The following CREB5 variants were observed in gnomAD, a reference collection of about 807,000 sequenced individuals.
CREB5 encodes cyclic AMP-responsive element-binding protein 5.
Under a neutral mutation model 57.1 loss-of-function variants are expected in CREB5, and 19 were observed. The ratio of observed to expected loss-of-function variants is 0.33; its 90% confidence interval spans 0.23 to 0.49. CREB5 has a LOEUF of 0.49. Ranked by LOEUF, CREB5 falls within the 20% of genes least tolerant of loss-of-function variation. The pLI is 0.99. For synonymous variants in CREB5, 238 were observed against 238.3 expected (o/e 1.00, Z 0.01); for missense variants, 579 against 671.6 (o/e 0.86, Z 1.52).
At chr7:28,783,356 AT>A (rs918241371) in intron 7 of CREB5, among the ~76,000 whole-genome samples, 5 of 151,908 alleles carry the variant, frequency 3.3e-5, no homozygotes, top group South Asian at 2.1e-4. Flanking sequence ...CTCACCATCC[AT>A]TTTTTTTGTC....
At chr7:28,302,004 AT>A (rs1785104948) in intron 1 of CREB5, among the ~76,000 whole-genome samples, 1 of 152,230 alleles carries the variant, frequency 6.6e-6, no homozygotes. Context: ...ACTTCAGAAA[AT>A]AATAAGCAAT....
intron 1 of CREB5, among the ~76,000 whole-genome samples, chr7:28,414,646 A>AAAATG (rs1787957519): frequency 6.6e-6 from 1 of 152,230 alleles, no homozygotes; most frequent in African/African-American, 2.4e-5. Context: ...TGGCACTTTA[A>AAAATG]AAATGACATC....
At chr7:28,687,841 G>A (rs1801028417) in intron 5 of CREB5, among the ~76,000 whole-genome samples, 1 of 152,110 alleles carries the variant, frequency 6.6e-6, no homozygotes, top group South Asian at 2.1e-4. Flanking sequence ...GAGGAGGCCT[G>A]AGTGTTGATT....
At chr7:28,484,046 T>C (rs1336417165) in intron 1 of CREB5, among the ~76,000 whole-genome samples, 1 of 152,208 alleles carries the variant, frequency 6.6e-6, no homozygotes, top group Non-Finnish European at 1.5e-5. Context: ...ATTGAATGCC[T>C]ACTATGTAAG....
chr7:28,595,061 T>A (rs953107498), intron 5 of CREB5, among the ~76,000 whole-genome samples: 2 of 152,200 alleles, frequency 1.3e-5, no homozygotes, highest in Non-Finnish European at 2.9e-5. Flanking sequence ...GCCCCCACAG[T>A]GCAATGTCTG....
In CREB5 at chr7:28,522,511, T is replaced by G. The variant is rs1425010927; in HGVS notation, c.291+14774T>G. On this transcript the variant is annotated intron_variant, in intron 4 of 10. Transcript: ENST00000357727. ...CCCAGGTTCAAGCAATCCTCTTGCC[T>G]CAGCCTCCCAAGTAGCTGGGATTAT... Among the ~76,000 whole-genome samples the G allele has an allele frequency of 3.4e-5, 5 of 148,550 alleles. No individual in the cohort carries two copies. In the East Asian group the frequency reaches 1.0e-3, roughly 31 times the overall value.
At position 28,620,649 on chromosome 7, in the gene CREB5, G is replaced by A. The variant is rs575033792; in HGVS notation, c.464+50112G>A. ...CTATTCCCTCCTCTTTTCCATAACT[G>A]GCCTCAGGCTCGCCCCATTTTAACC... On this transcript the variant is annotated intron_variant, in intron 5 of 10. Coordinates refer to ENST00000357727, the MANE Select transcript of CREB5 (RefSeq NM_182898.4). Among the ~76,000 whole-genome samples, 3 of 152,266 alleles carry A rather than the reference G, an allele frequency of 2.0e-5. No individual in the cohort carries two copies. The South Asian group carries it at 6.2e-4, about 32-fold the overall frequency.
rs1459443795 is a variant in CREB5 at position 28,551,995 on chromosome 7, T to C, written c.292-18370T>C. Among the ~76,000 whole-genome samples the C allele has an allele frequency of 2.9e-4, 8 of 27,130 alleles. 1 individual carries two copies. The highest frequency in any genetic ancestry group is 1.7e-3 in the African/African-American group (4 of 2,396). 17.8% of individuals were successfully genotyped at this position (27,130 alleles called of 152,430 possible). ...TCTCTTTCTCTCTCTCTTTCTCTCT[T>C]TTCTCTCTCTCTCTCTTTTCTCTCT... On this transcript the variant is annotated intron_variant, in intron 4 of 10. Transcript: ENST00000357727.
rs547477726 is a variant in CREB5 at position 28,398,799 on chromosome 7, C to T, written c.-24-96107C>T. On this transcript the variant is annotated intron_variant, in intron 1 of 9. Coordinates refer to the CREB5 transcript ENST00000396299. ...GGATCATGGCTCACTACAGCCTTGG[C>T]CTCTGAGGCTCAAGCGATCCTCCCA... 5.9e-5 allele frequency among the ~76,000 whole-genome samples: 9 copies of T among 152,138 alleles called. No homozygotes were observed. In the East Asian group the frequency reaches 1.5e-3, roughly 26 times the overall value.
chr7:28,622,265 A>T (rs760024057), intron 5 of CREB5, among the ~76,000 whole-genome samples: 3,644 of 127,264 alleles, frequency 0.029, 180 homozygotes, highest in East Asian at 0.25. Flanking sequence ...TCTCTCACAC[A>T]CACACACACA....
chr7:28,811,642 A>C (rs1809125790), intron 9 of CREB5, among the ~76,000 whole-genome samples: 1 of 152,148 alleles, frequency 6.6e-6, no homozygotes, highest in African/African-American at 2.4e-5. Flanking sequence ...AAGTGTTGGG[A>C]TTATAGGTGT....
chr7:28,470,230 T>C (rs1292243145), intron 1 of CREB5, among the ~76,000 whole-genome samples: 1 of 152,200 alleles, frequency 6.6e-6, no homozygotes, highest in Non-Finnish European at 1.5e-5. Context: ...CTCCACTACC[T>C]TTCCCAGCCT....
chr7:28,571,730 A>G (rs1428843724), intron 5 of CREB5, among the ~76,000 whole-genome samples: 2 of 152,166 alleles, frequency 1.3e-5, no homozygotes, highest in African/African-American at 4.8e-5. Flanking sequence ...TATCCCCAGA[A>G]TGAGGATGGT....
chr7:28,373,534 G>C (rs1786757964), intron 1 of CREB5, among the ~76,000 whole-genome samples: 1 of 150,832 alleles, frequency 6.6e-6, no homozygotes, highest in Non-Finnish European at 1.5e-5. Flanking sequence ...TCTGCCTCTG[G>C]GTCTTAAGCC....
chr7:28,615,449 C>T lies in CREB5; in HGVS notation c.464+44912C>T, dbSNP rs146434221. On this transcript the variant is annotated intron_variant, in intron 5 of 10. Transcript: ENST00000357727. ...TTTCAAGGGACCACTTAGGGCTCAC[C>T]TATCTTGTTCCCCACAGTGTCCTCG... is the stretch of plus-strand genomic sequence containing the variant. The T allele has an allele frequency of 8.5e-5, 13 of 152,456 alleles. No individual in the cohort carries two copies. The East Asian group carries it at 2.3e-3, about 27-fold the overall frequency. 9.4% of individuals were successfully genotyped at this position (152,456 alleles called of 1,614,324 possible). A position where few individuals can be genotyped will look rare whatever the true frequency, so the allele number is the denominator to read the frequency against.
chr7:28,646,351 GA>G (rs890652553), intron 5 of CREB5, among the ~76,000 whole-genome samples: 90 of 151,454 alleles, frequency 5.9e-4, no homozygotes, highest in Middle Eastern at 3.4e-3. Flanking sequence ...TGGTTAGGGG[GA>G]AAAAAAACAA....
At chr7:28,341,509 G>A (rs949746028) in intron 1 of CREB5, among the ~76,000 whole-genome samples, 1 of 152,150 alleles carries the variant, frequency 6.6e-6, no homozygotes, top group Non-Finnish European at 1.5e-5. Context: ...CTTCCTGGTT[G>A]ATACTAAATT....
intron 1 of CREB5, among the ~76,000 whole-genome samples, chr7:28,424,500 G>A (rs1484453149): frequency 3.3e-5 from 5 of 152,166 alleles, no homozygotes; most frequent in South Asian, 4.2e-4. Context: ...ACCAACTATG[G>A]ACATAGCCAG....
chr7:28,471,018 C>T (rs1002449489), intron 1 of CREB5, among the ~76,000 whole-genome samples: 2 of 152,066 alleles, frequency 1.3e-5, no homozygotes, highest in Non-Finnish European at 2.9e-5. Flanking sequence ...TTTCTCCTAT[C>T]CTTGGATTGT....
Sources: gnomAD v4.1 joint callset for allele counts (sites outside exome capture counted in the v4.1 genomes callset) on GRCh38, gnomAD v4.1.1 for gene constraint, MANE v1.5 for transcripts, NCBI Gene and HGNC (gene_info 2026-07-23, HGNC 2026-07-21) for gene names.